The following LAMB2 variants were observed in gnomAD, a reference collection of about 807,000 sequenced individuals.
LAMB2 encodes laminin subunit beta-2.
Under a neutral mutation model 202.7 loss-of-function variants are expected in LAMB2, and 119 were observed. That is an observed-to-expected ratio of 0.59 (90% CI 0.51 to 0.68). LAMB2 has a LOEUF of 0.68. LAMB2 is among the 30% of genes least tolerant of loss of function. The pLI is 0.00. For synonymous variants in LAMB2, 818 were observed against 902.2 expected (o/e 0.91, Z 1.67); for missense variants, 2,124 against 2,410.6 (o/e 0.88, Z 2.49).
rs760364637 is a variant in LAMB2 at position 49,130,793 on chromosome 3, T to C, written c.983A>G (p.Tyr328Cys). 1.1e-5 allele frequency: 17 copies of C among 1,614,048 alleles called. No homozygotes were observed. In the South Asian group the frequency reaches 1.6e-4, roughly 16 times the overall value. The change falls in exon 8 of 32, where the codon TAT (tyrosine) becomes TGT (cysteine). Residue 328 changes from tyrosine to cysteine, a missense_variant. By Grantham distance (194) the Tyr-to-Cys change is radical. Transcript: ENST00000305544. The surrounding 1 kb of genome is among the most constrained non-coding windows in gnomAD (Gnocchi z 5.0). ...GLNCEQCQDF[Y>C]RDLPWRPAED... ...AGCCGGACGCCAGGGCAGGTCACGA[T>C]AGAAATCCTGACACTGCTCGCAGTT... is the stretch of plus-strand genomic sequence containing the variant.
At position 49,123,851 on chromosome 3, in the gene LAMB2, C is replaced by T. The variant is rs150013302; in HGVS notation, c.3674G>A (p.Gly1225Asp). The stretch of plus-strand genomic sequence containing the variant: ...GTGCCAGAAGCTGCTCTCAAAGGCA[C>T]CCAGCACACCCGTCTGTTGCAACTC... The part of the protein sequence containing the change: ...AQELQQTGVL[G>D]AFESSFWHMQ... The change falls in exon 24 of 32, where the codon GGT becomes GAT. Residue 1225 changes from glycine (G) to aspartate (D), a missense_variant. By Grantham distance (94) the Gly-to-Asp change is moderately conservative. Coordinates refer to ENST00000305544, the MANE Select transcript of LAMB2 (RefSeq NM_002292.4). 450 of 1,613,220 alleles carry T rather than the reference C, an allele frequency of 2.8e-4. No homozygotes were observed. Among genetic ancestry groups the T allele is most frequent in the Non-Finnish European group, 3.6e-4 (427 of 1,179,868 alleles).
chr3:49,132,653 G>A lies in LAMB2; in HGVS notation c.87C>T (p.Ala29=). 6.2e-7 allele frequency: 1 copy of A among 1,614,138 alleles called. No homozygotes were observed. Among genetic ancestry groups the A allele is most frequent in the Non-Finnish European group, 8.5e-7 (1 of 1,180,036 alleles). ...RLGLLLSVLA[A]TLAQAPAPDV... Reference sequence around the variant, plus strand: ...CCGGGGCAGGGGCCTGTGCCAGTGTGGCAGCCAGCACTGGGGACAGTAGCT... The same window carrying A: ...CCGGGGCAGGGGCCTGTGCCAGTGTAGCAGCCAGCACTGGGGACAGTAGCT... Residue 29 remains alanine (A), a synonymous_variant, in exon 2 of 32, where the codon GCC becomes GCT. Coordinates refer to ENST00000305544, the MANE Select transcript of LAMB2 (RefSeq NM_002292.4). The surrounding 1 kb of genome is among the most constrained non-coding windows in gnomAD (Gnocchi z 4.6).
At position 49,122,082 on chromosome 3, in the gene LAMB2, G is replaced by A. The variant is rs1560066989; in HGVS notation, c.4785C>T (p.Ser1595=). The change falls in exon 29 of 32, where the codon AGC becomes AGT. Residue 1595 remains serine (S), a synonymous_variant. Coordinates refer to ENST00000305544, the MANE Select transcript of LAMB2 (RefSeq NM_002292.4). The part of the protein sequence containing the change: ...QLLQDARRAR[S]WAEDEKQKAE... ...CCTTCTGTTTCTCATCCTCAGCCCA[G>A]CTCCTGGGGAGAAGGGGGAATCAGA... The A allele has an allele frequency of 1.2e-6, 2 of 1,613,380 alleles. No homozygotes were observed. Among genetic ancestry groups the A allele is most frequent in the Non-Finnish European group, 1.7e-6 (2 of 1,180,026 alleles).
At chr3:49,127,681 C>T (rs1426940496) in intron 15 of LAMB2, among the ~76,000 whole-genome samples, 1 of 150,046 alleles carries the variant, frequency 6.7e-6, no homozygotes, top group Non-Finnish European at 1.5e-5. Flanking sequence ...GGCGACAGAG[C>T]AAGACTCCAT....
In LAMB2 at chr3:49,131,510, C is replaced by T; in HGVS notation, c.648+25G>A. 1 of 1,614,022 alleles carries T rather than the reference C, an allele frequency of 6.2e-7. No homozygotes were observed. Among genetic ancestry groups the T allele is most frequent in the East Asian group, 2.2e-5 (1 of 44,884 alleles). ...AGGCCCATCATCCCCAGCTTCCAGC[C>T]CCCAGCCCAGATGCCAGCCCTCACC... On this transcript the variant is annotated intron_variant, in intron 5 of 31. Transcript: ENST00000305544. The surrounding 1 kb of genome is among the most constrained non-coding windows in gnomAD (Gnocchi z 5.0).
At position 49,131,016 on chromosome 3, in the gene LAMB2, G is replaced by A; in HGVS notation, c.849C>T (p.Cys283=). 3.1e-6 allele frequency: 5 copies of A among 1,614,022 alleles called. No homozygotes were observed. The highest frequency in any genetic ancestry group is 4.2e-6 in the Non-Finnish European group (5 of 1,180,030). The part of the protein sequence containing the change: ...ALYELVVRGN[C]FCYGHASECA... ...ACTCTGAGGCGTGTCCGTAGCAGAA[G>A]CAGTTGCCACGTACAACCAGCTCAT... Residue 283 remains cysteine, a synonymous_variant, in exon 7 of 32, where the codon TGC becomes TGT. Coordinates refer to ENST00000305544, the MANE Select transcript of LAMB2 (RefSeq NM_002292.4). This position sits in a 1 kb window ranked among gnomAD's most constrained non-coding sequence, Gnocchi z 5.0.
intron 27 of LAMB2, 48 bp from the exon 28 acceptor site, chr3:49,122,418 G>C: frequency 1.3e-6 from 2 of 1,563,982 alleles, no homozygotes; most frequent in Non-Finnish European, 1.8e-6. Flanking sequence ...TCCAGCATGG[G>C]CATGAGGATA....
At position 49,125,903 on chromosome 3, in the gene LAMB2, GGGTT is replaced by G; in HGVS notation, c.2345-17_2345-14del. The G allele has an allele frequency of 6.2e-7, 1 of 1,614,132 alleles. No individual in the cohort carries two copies. On this transcript the variant is annotated splice_polypyrimidine_tract_variant and intron_variant, in intron 17 of 31. Coordinates refer to ENST00000305544, the MANE Select transcript of LAMB2 (RefSeq NM_002292.4). Reference sequence around the variant, plus strand: ...TTGCACTGACATGCTGTGGGGAGGAGGGTTGGGCCAAGTCAGGCTGGGTCCCCAC... The same window carrying G: ...TTGCACTGACATGCTGTGGGGAGGAGGGGCCAAGTCAGGCTGGGTCCCCAC...
Position 49,128,508 on chromosome 3 carries a change from A to G in LAMB2, c.1968T>C (p.His656=). The G allele has an allele frequency of 6.2e-7, 1 of 1,614,166 alleles. No homozygotes were observed. The highest frequency in any genetic ancestry group is 8.5e-7 in the Non-Finnish European group (1 of 1,180,012). Reference sequence around the variant, plus strand: ...GGATGCGATCATCCTTGGGCACCAAATGCCCACACAGGCTGTGGGCAGGCA... The same window carrying G: ...GGATGCGATCATCCTTGGGCACCAAGTGCCCACACAGGCTGTGGGCAGGCA... ...GPVPAHSLCG[H]LVPKDDRIQG... is the part of the protein sequence containing the mutation. The change falls in exon 15 of 32, where the codon CAT becomes CAC. Residue 656 remains histidine, a synonymous_variant. Transcript: ENST00000305544.
Position 49,121,987 on chromosome 3 carries a change from C to G in LAMB2, c.4880G>C (p.Gly1627Ala). Residue 1627 changes from glycine to alanine, a missense_variant, in exon 29 of 32, where the codon GGG (glycine) becomes GCG (alanine). Gly to Ala is a moderately conservative substitution (Grantham distance 60). Transcript: ENST00000305544. The part of the protein sequence containing the change: ...AQGIAQGAIR[G>A]AVADTRDTEQ... ...TGTGTCCCGTGTGTCAGCCACTGCC[C>G]CCCGGATGGCACCCTGGGCAATACC... 1 of 1,613,936 alleles carries G rather than the reference C, an allele frequency of 6.2e-7. No homozygotes were observed. Among genetic ancestry groups the G allele is most frequent in the Non-Finnish European group, 8.5e-7 (1 of 1,180,034 alleles).
Position 49,124,089 on chromosome 3 carries a change from C to T in LAMB2, c.3436G>A (p.Asp1146Asn), listed in dbSNP as rs751714512. The T allele has an allele frequency of 1.3e-5, 21 of 1,613,948 alleles. No individual in the cohort carries two copies. Among genetic ancestry groups the T allele is most frequent in the Non-Finnish European group, 1.7e-5 (20 of 1,180,038 alleles). Reference protein sequence around the residue: ...PGLQCHACDCDSRGIDTPQCH... With the variant: ...PGLQCHACDCNSRGIDTPQCH... ...TGAGGTGTATCTATTCCACGAGAGT[C>T]ACAATCACAGGCTGCAAGAAAGAGC... Residue 1146 changes from aspartate to asparagine, a missense_variant, in exon 24 of 32, where the codon GAC becomes AAC. Around this residue, in one of 3 missense-constraint regions of LAMB2, gnomAD observed 1,702 missense variants for 1,896.3 expected, o/e 0.90. Coordinates refer to ENST00000305544, the MANE Select transcript of LAMB2 (RefSeq NM_002292.4).
At position 49,130,261 on chromosome 3, in the gene LAMB2, T is replaced by C. The variant is rs1355558566; in HGVS notation, c.1195A>G (p.Lys399Glu). ...CRPFFYRDPT[K>E]DLRDPAVCRS... is the part of the protein sequence containing the mutation. ...CACACAGCCGGATCCCGCAGGTCCT[T>C]GGTTGGGTCACGGTAGAAGAAGGGC... The change falls in exon 9 of 32, where the codon AAG becomes GAG. Residue 399 changes from lysine to glutamate, a missense_variant. Physicochemically the swap from Lys to Glu is moderately conservative, Grantham distance 56. Coordinates refer to ENST00000305544, the MANE Select transcript of LAMB2 (RefSeq NM_002292.4). This position sits in a 1 kb window ranked among gnomAD's most constrained non-coding sequence, Gnocchi z 5.0. The C allele has an allele frequency of 1.2e-6, 2 of 1,614,220 alleles. No homozygotes were observed. The highest frequency in any genetic ancestry group is 1.3e-5 in the African/African-American group (1 of 75,070).
In LAMB2 at chr3:49,124,546, TCA is replaced by T. The variant is rs2045389579; in HGVS notation, c.3174_3175del (p.Cys1058Ter). 1.9e-6 allele frequency: 3 copies of T among 1,613,820 alleles called. No homozygotes were observed. The highest frequency in any genetic ancestry group is 2.5e-6 in the Non-Finnish European group (3 of 1,180,004). On this transcript the variant is annotated stop_gained and frameshift_variant, in exon 22 of 32. Transcript: ENST00000305544. LOFTEE classifies it high-confidence loss of function. ...GCATGGGCACTGCCCACTGCTTGGA[TCA>T]CAGTGGCACTGGTCAGGAGATGGGC...
chr3:49,132,553 T>A lies in LAMB2; in HGVS notation c.187A>T (p.Thr63Ser). The A allele has an allele frequency of 6.2e-7, 1 of 1,613,714 alleles. No individual in the cohort carries two copies. Among genetic ancestry groups the A allele is most frequent in the Non-Finnish European group, 8.5e-7 (1 of 1,180,036 alleles). The change falls in exon 2 of 32, where the codon ACT becomes TCT. Residue 63 changes from threonine (T) to serine (S), a missense_variant. Coordinates refer to ENST00000305544, the MANE Select transcript of LAMB2 (RefSeq NM_002292.4). The surrounding 1 kb of genome is among the most constrained non-coding windows in gnomAD (Gnocchi z 4.6). ...TTCAGGCCACAAGTGGATGAGGCAG[T>A]CAGTCTGTCAGCTCGGCCCACCAGC... Reference protein sequence around the residue: ...DLLVGRADRLTASSTCGLNGP... With the variant: ...DLLVGRADRLSASSTCGLNGP...
At position 49,123,521 on chromosome 3, in the gene LAMB2, T is replaced by C; in HGVS notation, c.3908A>G (p.Asp1303Gly). The C allele has an allele frequency of 6.2e-7, 1 of 1,614,208 alleles. No individual in the cohort carries two copies. The highest frequency in any genetic ancestry group is 8.5e-7 in the Non-Finnish European group (1 of 1,180,044). The change falls in exon 25 of 32, where the codon GAT becomes GGT. Residue 1303 changes from aspartate (D) to glycine (G), a missense_variant. Asp to Gly is a moderately conservative substitution (Grantham distance 94, BLOSUM62 -1). Coordinates refer to ENST00000305544, the MANE Select transcript of LAMB2 (RefSeq NM_002292.4). ...ANHALSGLER[D>G]RLALNLTLRQ... ...CAGTGTGAGATTAAGTGCAAGCCTA[T>C]CTCGCTCCAGACCACTTAGTGCATG...
rs1348430363 is a variant in LAMB2, at chr3:49,129,296, A to G, written c.1547T>C (p.Leu516Pro). The change falls in exon 12 of 32, where the codon CTG (leucine) becomes CCG (proline). Residue 516 changes from leucine (L) to proline (P), a missense_variant. Around this residue, in one of 3 missense-constraint regions of LAMB2, gnomAD observed 1,702 missense variants for 1,896.3 expected, o/e 0.90. Coordinates refer to ENST00000305544, the MANE Select transcript of LAMB2 (RefSeq NM_002292.4). This position sits in a 1 kb window ranked among gnomAD's most constrained non-coding sequence, Gnocchi z 6.1. ...LPGHWGLSHD[L>P]LGCRPCDCDV... ...GCAGTCACAGGGGCGGCAGCCGAGC[A>G]GGTCGTGGCTCAGGCCCCAGTGGCC... 2 of 1,613,450 alleles carry G rather than the reference A, an allele frequency of 1.2e-6. No homozygotes were observed. The highest frequency in any genetic ancestry group is 1.1e-5 in the South Asian group (1 of 91,020).
Position 49,125,057 on chromosome 3 carries a change from G to C in LAMB2, c.2833C>G (p.Gln945Glu). ...ACAATCTGCTGGGAATATTCATCCT[G>C]GTGGCAAGAAGTAGCAAAGTGCCGT... ...SQRHFATSCHQDEYSQQIVCH... is the reference protein window; with the variant it reads ...SQRHFATSCHEDEYSQQIVCH... Residue 945 changes from glutamine to glutamate, a missense_variant, in exon 20 of 32, where the codon CAG becomes GAG. This residue lies in a region of LAMB2 where 1,702 missense variants were observed against 1,896.3 expected (regional missense o/e 0.90). Transcript: ENST00000305544. 1 of 1,613,980 alleles carries C rather than the reference G, an allele frequency of 6.2e-7. No individual in the cohort carries two copies. Among genetic ancestry groups the C allele is most frequent in the Admixed American group, 1.7e-5 (1 of 60,036 alleles).
In LAMB2 at chr3:49,130,914, C is replaced by A. The variant is rs776339476; in HGVS notation, c.915+36G>T. 3.7e-6 allele frequency: 6 copies of A among 1,614,180 alleles called. No homozygotes were observed. Among genetic ancestry groups the A allele is most frequent in the Admixed American group, 1.7e-5 (1 of 60,038 alleles). ...CACTGCTCAGCCATGTCCGCCCCTG[C>A]CCCTAGCCCTATCCCAACCGTCTGA... is the stretch of plus-strand genomic sequence containing the variant. On this transcript the variant is annotated intron_variant, in intron 7 of 31. Transcript: ENST00000305544. This position sits in a 1 kb window ranked among gnomAD's most constrained non-coding sequence, Gnocchi z 5.0.
chr3:49,123,022 C>T lies in LAMB2; in HGVS notation c.4255G>A (p.Ala1419Thr). 1.2e-6 allele frequency: 2 copies of T among 1,608,200 alleles called. No homozygotes were observed. Among genetic ancestry groups the T allele is most frequent in the Non-Finnish European group, 1.7e-6 (2 of 1,179,992 alleles). ...CCGGCACCCCCACAAGGGCTTGTAGCACAGGGTGCATCCCCTGGTGCCCCA... is the reference window on the plus strand; with the variant it reads ...CCGGCACCCCCACAAGGGCTTGTAGTACAGGGTGCATCCCCTGGTGCCCCA... The part of the protein sequence containing the change: ...VCGAPGDAPC[A>T]TSPCGGAGCR... The change falls in exon 27 of 32, where the codon GCT (alanine) becomes ACT (threonine). Residue 1419 changes from alanine to threonine, a missense_variant. Coordinates refer to ENST00000305544, the MANE Select transcript of LAMB2 (RefSeq NM_002292.4).
Sources: allele counts gnomAD v4.1 joint callset (sites outside exome capture counted in the v4.1 genomes callset), GRCh38; gene constraint gnomAD v4.1.1; regional missense constraint gnomAD v4.1.1; non-coding constraint Gnocchi (gnomAD v3.1); transcripts MANE v1.5; gene names NCBI Gene and HGNC (gene_info 2026-07-23, HGNC 2026-07-21).